Variants in CTNNA3 observed in about 807,000 individuals in gnomAD.
CTNNA3 encodes catenin alpha 3.
In CTNNA3, 76 loss-of-function variants were observed where a neutral mutation model predicts 95.7. That is an observed-to-expected ratio of 0.79 (90% confidence interval 0.66 to 0.96). The LOEUF (loss-of-function observed/expected upper bound fraction) is 0.96, where lower values mean the gene tolerates loss of function less well. CTNNA3 is among the 40% of genes least tolerant of loss of function. CTNNA3 has a pLI of 0.00. For missense variants in CTNNA3, 1,191 were observed against 1,089.8 expected (o/e 1.09, Z -1.31); for synonymous variants, 431 against 374.4 (o/e 1.15, Z -1.74).
chr10:67,105,648 C>T lies in CTNNA3; in HGVS notation c.1047+74669G>A, dbSNP rs534279750. On this transcript the variant is annotated intron_variant, in intron 7 of 17. Coordinates refer to ENST00000433211, the MANE Select transcript of CTNNA3 (RefSeq NM_013266.4). ...TGGTCACCGCTGTTTTTCTGTTCTA[C>T]CATAAGGCAATTATCAGAGTGGAAT... Among the ~76,000 whole-genome samples the T allele has an allele frequency of 4.6e-5, 7 of 152,074 alleles. 1 individual carries two copies. In the South Asian group the frequency reaches 8.3e-4, roughly 18 times the overall value.
intron 12 of CTNNA3, among the ~76,000 whole-genome samples, chr10:66,292,282 A>G (rs2091696139): frequency 6.6e-6 from 1 of 152,130 alleles, no homozygotes; most frequent in African/African-American, 2.4e-5. Flanking sequence ...GTAGATGCTC[A>G]GTAATTATGC....
intron 5 of CTNNA3, among the ~76,000 whole-genome samples, chr10:67,387,217 G>A (rs928943663): frequency 1.3e-5 from 2 of 152,206 alleles, no homozygotes; most frequent in African/African-American, 2.4e-5. Context: ...TGCACCAGCC[G>A]AAGCAGGGTG....
At chr10:67,114,869 G>A (rs1400999119) in intron 7 of CTNNA3, among the ~76,000 whole-genome samples, 1 of 151,846 alleles carries the variant, frequency 6.6e-6, no homozygotes, top group African/African-American at 2.4e-5. Flanking sequence ...TCTTGGCTTG[G>A]GTCTGAAGCA....
At chr10:67,081,659 A>C (rs561158725) in intron 7 of CTNNA3, among the ~76,000 whole-genome samples, 5 of 152,270 alleles carry the variant, frequency 3.3e-5, no homozygotes, top group African/African-American at 1.2e-4. Flanking sequence ...CTCCATATAC[A>C]TTCTTTGCTC....
intron 10 of CTNNA3, among the ~76,000 whole-genome samples, chr10:66,529,322 G>A (rs1443386725): frequency 1.3e-5 from 2 of 151,734 alleles, no homozygotes; most frequent in East Asian, 3.9e-4. Flanking sequence ...AGTAGATATG[G>A]GGTTTCACCA....
chr10:67,158,282 T>C (rs1270386815), intron 7 of CTNNA3, among the ~76,000 whole-genome samples: 1 of 152,028 alleles, frequency 6.6e-6, no homozygotes, highest in Non-Finnish European at 1.5e-5. Flanking sequence ...AAAAATTATA[T>C]AATACTATAG....
At chr10:67,306,554 G>A (rs1050791124) in intron 5 of CTNNA3, among the ~76,000 whole-genome samples, 2 of 152,098 alleles carry the variant, frequency 1.3e-5, no homozygotes, top group Admixed American at 6.5e-5. Flanking sequence ...TAAACCTCAG[G>A]AACAAGAGTT....
At chr10:66,581,047 T>C (rs1360831284) in intron 10 of CTNNA3, among the ~76,000 whole-genome samples, 1 of 151,764 alleles carries the variant, frequency 6.6e-6, no homozygotes, top group Non-Finnish European at 1.5e-5. Context: ...TGGCCTCTAG[T>C]TCCAACCAAG....
At chr10:65,990,342 A>T (rs961877848) in intron 15 of CTNNA3, among the ~76,000 whole-genome samples, 9 of 150,520 alleles carry the variant, frequency 6.0e-5, no homozygotes, top group Non-Finnish European at 1.2e-4. Context: ...TTACATTCTC[A>T]TCAACAGTGT....
chr10:66,716,879 A>G (rs34759692), intron 9 of CTNNA3, among the ~76,000 whole-genome samples: 7,043 of 152,222 alleles, frequency 0.046, 322 homozygotes, highest in East Asian at 0.22. Context: ...GTGCCTAGCT[A>G]TCTGGTCAAA....
chr10:66,435,157 T>C (rs1056826400), intron 11 of CTNNA3, among the ~76,000 whole-genome samples: 3 of 152,200 alleles, frequency 2.0e-5, no homozygotes, highest in African/African-American at 7.2e-5. Context: ...GATGCTGGCC[T>C]CATAAAATGA....
intron 12 of CTNNA3, among the ~76,000 whole-genome samples, chr10:66,309,685 C>CAAAAAAAA (rs60400266): frequency 4.8e-5 from 2 of 41,770 alleles, no homozygotes; most frequent in African/African-American, 8.5e-5. Flanking sequence ...GACTCCGTCT[C>CAAAAAAAA]AAAAAAAAAA....
At chr10:66,262,669 T>C (rs977329664) in intron 13 of CTNNA3, among the ~76,000 whole-genome samples, 6 of 151,930 alleles carry the variant, frequency 3.9e-5, no homozygotes, top group East Asian at 1.9e-4. Flanking sequence ...TACAAAATTA[T>C]TGAGAAGCAA....
At chr10:67,205,153 A>C (rs911416784) in intron 6 of CTNNA3, among the ~76,000 whole-genome samples, 4 of 152,182 alleles carry the variant, frequency 2.6e-5, no homozygotes, top group African/African-American at 9.7e-5. Context: ...CTATAAACTA[A>C]ATTTCTCCCA....
intron 9 of CTNNA3, among the ~76,000 whole-genome samples, chr10:66,668,313 CAT>C (rs1214077320): frequency 6.6e-6 from 1 of 152,032 alleles, no homozygotes; most frequent in African/African-American, 2.4e-5. Flanking sequence ...ATTACAAGGT[CAT>C]GTTTCTTTAG....
chr10:67,409,242 C>T lies in CTNNA3; in HGVS notation c.579+112600G>A, dbSNP rs571559887. On this transcript the variant is annotated intron_variant, in intron 5 of 17. Coordinates refer to ENST00000433211, the MANE Select transcript of CTNNA3 (RefSeq NM_013266.4). ...CAGCAATCCCATTACTGGTTATATACCCAAAGGATTATAAATCATGCTACT... is the reference window on the plus strand; with the variant it reads ...CAGCAATCCCATTACTGGTTATATATCCAAAGGATTATAAATCATGCTACT... Among the ~76,000 whole-genome samples the T allele has an allele frequency of 5.9e-5, 9 of 152,156 alleles. No homozygotes were observed. The South Asian group carries it at 6.2e-4, about 11-fold the overall frequency.
chr10:66,980,369 G>A (rs993762707), intron 7 of CTNNA3, among the ~76,000 whole-genome samples: 19 of 152,258 alleles, frequency 1.2e-4, no homozygotes, highest in Non-Finnish European at 2.1e-4. Context: ...TCTGTTAGCA[G>A]CAAACTATAT....
At chr10:66,643,867 T>C (rs1845600713) in intron 9 of CTNNA3, among the ~76,000 whole-genome samples, 1 of 152,170 alleles carries the variant, frequency 6.6e-6, no homozygotes, top group African/African-American at 2.4e-5. Flanking sequence ...TTCATTCAAA[T>C]AAGTTTTACA....
At chr10:66,407,906 A>G (rs141192931) in intron 11 of CTNNA3, among the ~76,000 whole-genome samples, 1 of 152,256 alleles carries the variant, frequency 6.6e-6, no homozygotes, top group Non-Finnish European at 1.5e-5. Flanking sequence ...AAATGTTTTC[A>G]TTCATTATTT....
Sources: allele counts gnomAD v4.1 joint callset (sites outside exome capture counted in the v4.1 genomes callset), GRCh38; gene constraint gnomAD v4.1.1; transcripts MANE v1.5; gene names NCBI Gene and HGNC (gene_info 2026-07-23, HGNC 2026-07-21).